Variants in ABTB3 observed in about 807,000 individuals in gnomAD.
The protein encoded by ABTB3 is ankyrin repeat- and BTB/POZ domain-containing protein 3.
the ABTB3 span, among the ~76,000 whole-genome samples, chr12:107,538,197 C>T: frequency 1.3e-5 from 2 of 152,200 alleles, no homozygotes; most frequent in African/African-American, 4.8e-5. Flanking sequence ...GGCATGAAGA[C>T]CCCTGCCTTC....
chr12:107,621,660 CTG>C, the ABTB3 span, among the ~76,000 whole-genome samples: 17 of 152,162 alleles, frequency 1.1e-4, no homozygotes, highest in East Asian at 7.7e-4. Flanking sequence ...GATAGACAAA[CTG>C]TGCAATCCTC....
At chr12:107,363,933 C>G in the ABTB3 span, among the ~76,000 whole-genome samples, 36 of 152,310 alleles carry the variant, frequency 2.4e-4, no homozygotes, top group African/African-American at 8.4e-4. Flanking sequence ...TGATCTTAGG[C>G]AAGTTACCCA....
chr12:107,531,442 G>A, the ABTB3 span, among the ~76,000 whole-genome samples: 1 of 152,144 alleles, frequency 6.6e-6, no homozygotes, highest in Non-Finnish European at 1.5e-5. Context: ...TCTCACTGCT[G>A]GATGCTACAG....
the ABTB3 span, among the ~76,000 whole-genome samples, chr12:107,614,152 A>G: frequency 6.6e-6 from 1 of 152,126 alleles, no homozygotes; most frequent in African/African-American, 2.4e-5. Context: ...TTGAGGTTAC[A>G]TGACCCCAGG....
chr12:107,580,485 T>A, the ABTB3 span, among the ~76,000 whole-genome samples: 1 of 152,108 alleles, frequency 6.6e-6, no homozygotes, highest in Non-Finnish European at 1.5e-5. Context: ...GTTTCAGGGG[T>A]GTGACCAAGG....
the ABTB3 span, chr12:107,320,145 G>C: frequency 7.4e-7 from 1 of 1,354,960 alleles, no homozygotes; most frequent in Non-Finnish European, 9.6e-7. Context: ...TTTGCCTCGC[G>C]TCCCCCTCCC....
At chr12:107,332,307 A>G in the ABTB3 span, among the ~76,000 whole-genome samples, 1 of 152,346 alleles carries the variant, frequency 6.6e-6, no homozygotes, top group Middle Eastern at 3.4e-3. Flanking sequence ...TCGTCATGGT[A>G]AATCTGACAC....
At chr12:107,511,186 C>T in the ABTB3 span, among the ~76,000 whole-genome samples, 3 of 152,230 alleles carry the variant, frequency 2.0e-5, no homozygotes, top group Non-Finnish European at 4.4e-5. Flanking sequence ...AATTGGCAGT[C>T]GGGAATTGCC....
At chr12:107,613,511 T>A in the ABTB3 span, among the ~76,000 whole-genome samples, 3 of 152,176 alleles carry the variant, frequency 2.0e-5, no homozygotes, top group Non-Finnish European at 4.4e-5. Context: ...ATACCACCGC[T>A]GCCATGGTGA....
At chr12:107,383,085 T>C in the ABTB3 span, among the ~76,000 whole-genome samples, 3 of 152,200 alleles carry the variant, frequency 2.0e-5, no homozygotes, top group South Asian at 2.1e-4. Context: ...CCTGACCCCA[T>C]GTCAAGGCCC....
chr12:107,394,944 A>C, the ABTB3 span, among the ~76,000 whole-genome samples: 1 of 152,182 alleles, frequency 6.6e-6, no homozygotes, highest in Non-Finnish European at 1.5e-5. Flanking sequence ...GGGTTTCCCC[A>C]GGGTCCTTGT....
At chr12:107,480,605 G>A in the ABTB3 span, among the ~76,000 whole-genome samples, 292 of 152,282 alleles carry the variant, frequency 1.9e-3, no homozygotes, top group Non-Finnish European at 2.8e-3. Flanking sequence ...AGCTGATCCC[G>A]TTATAAGATC....
the ABTB3 span, among the ~76,000 whole-genome samples, chr12:107,651,150 G>A: frequency 2.0e-5 from 3 of 152,018 alleles, no homozygotes; most frequent in Admixed American, 6.6e-5. Context: ...TTACAGCAGC[G>A]ATGAAAACCG....
At chr12:107,438,612 G>A in the ABTB3 span, among the ~76,000 whole-genome samples, 3 of 152,100 alleles carry the variant, frequency 2.0e-5, no homozygotes, top group South Asian at 2.1e-4. Context: ...CGCATCTTCC[G>A]GCAGATAAAA....
chr12:107,630,249 T>C, the ABTB3 span, among the ~76,000 whole-genome samples: 9 of 152,170 alleles, frequency 5.9e-5, no homozygotes, highest in Admixed American at 4.6e-4. Flanking sequence ...AACCAGCCAG[T>C]GCTTGGCATT....
the ABTB3 span, among the ~76,000 whole-genome samples, chr12:107,628,494 C>G: frequency 6.6e-6 from 1 of 152,130 alleles, no homozygotes; most frequent in Admixed American, 6.5e-5. Context: ...GTCAGTGTCC[C>G]TGAAAGTAAC....
chr12:107,485,519 G>A, the ABTB3 span, among the ~76,000 whole-genome samples: 1 of 152,058 alleles, frequency 6.6e-6, no homozygotes, highest in Non-Finnish European at 1.5e-5. Context: ...GGGTCTGTTT[G>A]TGTGTGTCTC....
chr12:107,652,017 A>C, the ABTB3 span, among the ~76,000 whole-genome samples: 3 of 152,230 alleles, frequency 2.0e-5, no homozygotes, highest in Non-Finnish European at 2.9e-5. Context: ...CAGAGTTCTC[A>C]AACAGTGCTT....
At chr12:107,318,912 A>G in the ABTB3 span, 1 of 1,555,402 alleles carries the variant, frequency 6.4e-7, no homozygotes, top group Non-Finnish European at 8.7e-7. Context: ...TTTGGCTCCC[A>G]GGCGGCTGCA....
Sources: allele counts gnomAD v4.1 joint callset (sites outside exome capture counted in the v4.1 genomes callset), GRCh38; gene constraint gnomAD v4.1.1; transcripts MANE v1.5; gene names NCBI Gene and HGNC (gene_info 2026-07-23, HGNC 2026-07-21).